ZNF284: variants seen among roughly 807,000 people sequenced by gnomAD.
The protein encoded by ZNF284 is zinc finger protein 284.
In ZNF284, 12 loss-of-function variants were observed where a neutral mutation model predicts 12.9. The ratio of observed to expected loss-of-function variants is 0.93; its 90% CI spans 0.60 to 1.51. The LOEUF is 1.51. Ranked by LOEUF, ZNF284 falls within the 40% of genes most tolerant of loss-of-function variation. The probability of loss-of-function intolerance (pLI) is 0.00; values close to 1 mark genes in which losing one functional copy is unlikely to be tolerated. For synonymous variants in ZNF284, 225 were observed against 236.5 expected, an observed-to-expected ratio of 0.95 and a Z score of 0.45; for missense variants, 667 against 707.3, an observed-to-expected ratio of 0.94 and a Z score of 0.65.
intron 2 of ZNF284, among the ~76,000 whole-genome samples, chr19:44,080,170 A>G (rs1175927928): frequency 6.6e-6 from 1 of 152,228 alleles, no homozygotes; most frequent in Non-Finnish European, 1.5e-5. Context: ...CAGTGTGATC[A>G]TAGGCACACT....
intron 2 of ZNF284, among the ~76,000 whole-genome samples, chr19:44,079,001 G>C (rs945954992): frequency 3.3e-5 from 5 of 151,988 alleles, no homozygotes; most frequent in Non-Finnish European, 5.9e-5. Flanking sequence ...ATGTTGCCAA[G>C]GCTGGTCTCG....
At chr19:44,074,924 T>A (rs1371954718) in intron 1 of ZNF284, among the ~76,000 whole-genome samples, 1 of 152,136 alleles carries the variant, frequency 6.6e-6, no homozygotes, top group Non-Finnish European at 1.5e-5. Context: ...CATTTGAACC[T>A]GGGAGGCAGA....
Position 44,087,453 on chromosome 19 carries a change from T to C in ZNF284, c.*193T>C, listed in dbSNP as rs1036222876. ...GAAAATAAGTTATTATTAATTATAG[T>C]CACCTTTAGTGCTGTGGAACACTAG... On this transcript the variant is annotated 3_prime_UTR_variant, in exon 5 of 5. Coordinates refer to ENST00000421176, the MANE Select transcript of ZNF284 (RefSeq NM_001037813.4). 1 of 461,062 alleles carries C rather than the reference T, an allele frequency of 2.2e-6. No individual in the cohort carries two copies. The highest frequency in any genetic ancestry group is 3.7e-6 in the Non-Finnish European group (1 of 267,334). The allele number at this position is 461,062 out of a possible 1,614,324, so 28.6% of individuals were successfully genotyped here. A position where few individuals can be genotyped will look rare whatever the true frequency, so the allele number is the denominator to read the frequency against.
chr19:44,080,407 G>A lies in ZNF284; in HGVS notation c.16-608G>A, dbSNP rs376532648. Among the ~76,000 whole-genome samples the A allele has an allele frequency of 3.9e-3, 592 of 152,132 alleles. 2 individuals are homozygous for A. Among genetic ancestry groups the A allele is most frequent in the South Asian group, 7.3e-3 (35 of 4,800 alleles). On this transcript the variant is annotated intron_variant, in intron 2 of 4. Transcript: ENST00000421176. ...AGGTCGGGAGTTCGTGACCAGCCTG[G>A]CCAACATGGTCTCTACTAAAAATAC...
In ZNF284 at chr19:44,087,165, G is replaced by A. The variant is rs1484839160; in HGVS notation, c.1687G>A (p.Gly563Arg). ...CLQDQQSDHS[G>R]EKTSKCEDCG... is the part of the protein sequence containing the mutation. The stretch of plus-strand genomic sequence containing the variant: ...TCAAGACCAACAAAGCGACCACAGT[G>A]GAGAAAAAACATCCAAATGTGAGGA... Residue 563 changes from glycine to arginine, a missense_variant, in exon 5 of 5, where the codon GGA becomes AGA. Gly to Arg is a moderately radical substitution (Grantham distance 125). Coordinates refer to ENST00000421176, the MANE Select transcript of ZNF284 (RefSeq NM_001037813.4). 1.9e-6 allele frequency: 3 copies of A among 1,613,950 alleles called. No individual in the cohort carries two copies. The highest frequency in any genetic ancestry group is 2.7e-5 in the African/African-American group (2 of 75,020).
rs1967135547 is a variant in ZNF284 at position 44,082,052 on chromosome 19, G to C, written c.182G>C (p.Arg61Thr). Reference sequence around the variant, plus strand: ...CACCGAGATACTTTTCACTTCCAAAGAGAAGAAAAGTTTTGGATCATGGAG... The same window carrying C: ...CACCGAGATACTTTTCACTTCCAAACAGAAGAAAAGTTTTGGATCATGGAG... ...LSHRDTFHFQ[R>T]EEKFWIMETA... Residue 61 changes from arginine (R) to threonine (T), a missense_variant, in exon 4 of 5, where the codon AGA becomes ACA. By Grantham distance (71) the Arg-to-Thr change is moderately conservative. Transcript: ENST00000421176. 1 of 1,613,480 alleles carries C rather than the reference G, an allele frequency of 6.2e-7. No individual in the cohort carries two copies.
chr19:44,074,904 G>A (rs1256677454), intron 1 of ZNF284, among the ~76,000 whole-genome samples: 2 of 152,230 alleles, frequency 1.3e-5, no homozygotes, highest in South Asian at 2.1e-4. Flanking sequence ...GGAGGCTGAC[G>A]CATAAGAATC....
At chr19:44,082,229 T>G (rs2147502906) in intron 4 of ZNF284, 124 bp downstream of exon 4, 1 of 694,424 alleles carries the variant, frequency 1.4e-6, no homozygotes, top group Admixed American at 2.7e-5. Context: ...CTTACCTCCT[T>G]CCTGCTGGTT....
chr19:44,087,014 A>G lies in ZNF284; in HGVS notation c.1536A>G (p.Lys512=). Residue 512 remains lysine, a synonymous_variant, in exon 5 of 5, where the codon AAA becomes AAG. Coordinates refer to ENST00000421176, the MANE Select transcript of ZNF284 (RefSeq NM_001037813.4). ...QRIHTGEKPY[K]CEECGKGFRW... is the part of the protein sequence containing the mutation. Reference sequence around the variant, plus strand: ...TTCACACTGGAGAAAAGCCTTACAAATGTGAGGAGTGTGGAAAGGGATTCA... The same window carrying G: ...TTCACACTGGAGAAAAGCCTTACAAGTGTGAGGAGTGTGGAAAGGGATTCA... 6.2e-7 allele frequency: 1 copy of G among 1,614,184 alleles called. No individual in the cohort carries two copies. Among genetic ancestry groups the G allele is most frequent in the East Asian group, 2.2e-5 (1 of 44,884 alleles).
intron 4 of ZNF284, among the ~76,000 whole-genome samples, chr19:44,083,474 T>TATATATATATATATATAGAGAGAG (rs746837013): frequency 3.1e-5 from 2 of 64,924 alleles, no homozygotes; most frequent in African/African-American, 9.9e-5. Context: ...TATATATATA[T>TATATATATATATATATAGAGAGAG]AGAGAGAGAG....
At chr19:44,081,979 T>G (rs769462357) in intron 3 of ZNF284, 34 bp from the exon 4 acceptor site, 1 of 1,554,290 alleles carries the variant, frequency 6.4e-7, no homozygotes, top group Admixed American at 1.7e-5. Context: ...TTACCTAAGA[T>G]GTATTGGGAT....
At position 44,088,122 on chromosome 19, in the gene ZNF284, A is replaced by T. The variant is rs536625249; in HGVS notation, c.*862A>T. On this transcript the variant is annotated 3_prime_UTR_variant, in exon 5 of 5. Coordinates refer to ENST00000421176, the MANE Select transcript of ZNF284 (RefSeq NM_001037813.4). The stretch of plus-strand genomic sequence containing the variant: ...AAGATGGGGTTTCACCACATTGGCC[A>T]GGCTAGCCTTGAACTCCCAAACTCA... 1 of 152,232 alleles carries T rather than the reference A, an allele frequency of 6.6e-6. No homozygotes were observed. Among genetic ancestry groups the T allele is most frequent in the South Asian group, 2.1e-4 (1 of 4,812 alleles). The allele number at this position is 152,232 out of a possible 1,614,324, so 9.4% of individuals were successfully genotyped here.
rs766330073 is a variant in ZNF284 at position 44,086,910 on chromosome 19, A to G, written c.1432A>G (p.Thr478Ala). 2 of 1,614,190 alleles carry G rather than the reference A, an allele frequency of 1.2e-6. No homozygotes were observed. The highest frequency in any genetic ancestry group is 1.1e-5 in the South Asian group (1 of 91,084). Residue 478 changes from threonine to alanine, a missense_variant, in exon 5 of 5, where the codon ACT becomes GCT. Physicochemically the swap from Thr to Ala is moderately conservative, Grantham distance 58 (BLOSUM62 0). Coordinates refer to ENST00000421176, the MANE Select transcript of ZNF284 (RefSeq NM_001037813.4). ...TATTTTGAGACATAAGAGACTCCAT[A>G]CTGGAGAAAAACCATTCAAATGTGA... ...SGILRHKRLH[T>A]GEKPFKCEEC...
chr19:44,086,410 A>G lies in ZNF284; in HGVS notation c.932A>G (p.Gln311Arg), dbSNP rs754219155. ...NLNRHSMVHM[Q>R]EKSFRCDTCS... ...AATAGGCATTCCATGGTCCACATGC[A>G]AGAGAAATCATTTAGATGTGATACC... is the stretch of plus-strand genomic sequence containing the variant. Residue 311 changes from glutamine to arginine, a missense_variant, in exon 5 of 5, where the codon CAA becomes CGA. Coordinates refer to ENST00000421176, the MANE Select transcript of ZNF284 (RefSeq NM_001037813.4). 5.6e-6 allele frequency: 9 copies of G among 1,613,898 alleles called. No individual in the cohort carries two copies. Among genetic ancestry groups the G allele is most frequent in the African/African-American group, 1.3e-5 (1 of 74,924 alleles).
At chr19:44,074,106 C>A (rs1268043145) in intron 1 of ZNF284, among the ~76,000 whole-genome samples, 2 of 151,944 alleles carry the variant, frequency 1.3e-5, no homozygotes, top group East Asian at 3.9e-4. Flanking sequence ...GTAATCCCAG[C>A]ACTTTGGGAG....
chr19:44,076,605 T>C (rs57895932), intron 2 of ZNF284, among the ~76,000 whole-genome samples: 118,864 of 152,084 alleles, frequency 0.78, 47,323 homozygotes, highest in Non-Finnish European at 0.87. Flanking sequence ...ATTTATGTTA[T>C]GAGTAGAAAT....
rs35969008 is a variant in ZNF284, at chr19:44,084,421, T to TA, written c.236-1292dup. Among the ~76,000 whole-genome samples, 1,137 of 152,236 alleles carry TA rather than the reference T, an allele frequency of 7.5e-3. 11 individuals carry two copies. Among genetic ancestry groups the TA allele is most frequent in the Admixed American group, 0.017 (261 of 15,284 alleles). On this transcript the variant is annotated intron_variant, in intron 4 of 4. Coordinates refer to ENST00000421176, the MANE Select transcript of ZNF284 (RefSeq NM_001037813.4). ...CAGTGCAAGGGACTCCCCATGCCTT[T>TA]AGGAGGTGTGCTTGGGTGGCAGTGG...
rs558806958 is a variant in ZNF284, at chr19:44,082,669, A to G, written c.235+564A>G. On this transcript the variant is annotated intron_variant, in intron 4 of 4. Coordinates refer to ENST00000421176, the MANE Select transcript of ZNF284 (RefSeq NM_001037813.4). ...TAGATGTTCTTGGGGAGAAGCCTTC[A>G]CTTTAATTTACCAATCCCTAGGCAC... Among the ~76,000 whole-genome samples, 5 of 152,272 alleles carry G rather than the reference A, an allele frequency of 3.3e-5. No individual in the cohort carries two copies. In the South Asian group the frequency reaches 1.0e-3, roughly 32 times the overall value.
At position 44,086,189 on chromosome 19, in the gene ZNF284, G is replaced by GA. The variant is rs772133145; in HGVS notation, c.715dup (p.Ser239LysfsTer5). 6.2e-7 allele frequency: 1 copy of GA among 1,614,052 alleles called. No homozygotes were observed. The highest frequency in any genetic ancestry group is 1.3e-5 in the African/African-American group (1 of 74,918). ...AACCATTCAAATGTGAGCAGTGTGG[G>GA]AAAAGTTTCAGCCGTAGATCAGGAA... On this transcript the variant is annotated frameshift_variant, in exon 5 of 5. Coordinates refer to ENST00000421176, the MANE Select transcript of ZNF284 (RefSeq NM_001037813.4). LOFTEE classifies it low-confidence loss of function (END_TRUNC).
Sources: allele counts gnomAD v4.1 joint callset (sites outside exome capture counted in the v4.1 genomes callset), GRCh38; gene constraint gnomAD v4.1.1; transcripts MANE v1.5; gene names NCBI Gene and HGNC (gene_info 2026-07-23, HGNC 2026-07-21).